ASPSCR1: variants seen among roughly 807,000 people sequenced by gnomAD.
ASPSCR1 encodes tether containing UBX domain for GLUT4.
Under a neutral mutation model 68.9 loss-of-function variants are expected in ASPSCR1, and 55 were observed. That is an observed-to-expected ratio of 0.80 (90% CI 0.64 to 1.00). The LOEUF is 1.00. ASPSCR1 is among the 50% of genes least tolerant of loss of function. ASPSCR1 has a pLI of 0.00. For missense variants in ASPSCR1, 765 were observed against 762.2 expected (o/e 1.00, Z -0.04); for synonymous variants, 352 against 332.6 (o/e 1.06, Z -0.63).
chr17:82,009,820 G>A (rs2042858319), intron 9 of ASPSCR1: 1 of 401,322 alleles, frequency 2.5e-6, no homozygotes, highest in South Asian at 2.6e-5. Flanking sequence ...ACGTGGGGGC[G>A]ACTGAGGCAC....
chr17:81,991,395 C>G (rs772817804), intron 4 of ASPSCR1, among the ~76,000 whole-genome samples: 2 of 152,182 alleles, frequency 1.3e-5, no homozygotes, highest in Non-Finnish European at 2.9e-5. Context: ...TCCGGGAAAG[C>G]TGGGTGATTT....
At chr17:82,015,912 C>G (rs918948175) in intron 12 of ASPSCR1, 3 of 168,314 alleles carry the variant, frequency 1.8e-5, no homozygotes, top group African/African-American at 7.2e-5. Context: ...ATTCACGGCC[C>G]TTGTTTGTGT....
In ASPSCR1 at chr17:81,999,711, C is replaced by T. The variant is rs188498407; in HGVS notation, c.933+2865C>T. ...CGGCCTCGGCTGTCCCCTGGGCACTCGTGCTACGTGTCCCGGAACTCAGGT... is the reference window on the plus strand; with the variant it reads ...CGGCCTCGGCTGTCCCCTGGGCACTTGTGCTACGTGTCCCGGAACTCAGGT... On this transcript the variant is annotated intron_variant, in intron 7 of 15. Coordinates refer to ENST00000306739, the MANE Select transcript of ASPSCR1 (RefSeq NM_024083.4). The surrounding 1 kb of genome is among the most constrained non-coding windows in gnomAD (Gnocchi z 4.4). Among the ~76,000 whole-genome samples the T allele has an allele frequency of 1.0e-3, 152 of 152,188 alleles. No homozygotes were observed. The highest frequency in any genetic ancestry group is 1.2e-3 in the Non-Finnish European group (80 of 67,996).
rs1230704258 is a variant in ASPSCR1, at chr17:82,016,851, C to T, written c.1457C>T (p.Ala486Val). The change falls in exon 14 of 16, where the codon GCC becomes GTC. Residue 486 changes from alanine to valine, a missense_variant. Ala to Val is a moderately conservative substitution (Grantham distance 64). Coordinates refer to ENST00000306739, the MANE Select transcript of ASPSCR1 (RefSeq NM_024083.4). ...GAGCATGCCATCTCCCCATCTGCGG[C>T]CGATGTGCTGGTGGCCAGGTAAGTG... ...LLEHAISPSA[A>V]DVLVARYMSR... 1.2e-6 allele frequency: 2 copies of T among 1,612,158 alleles called. No individual in the cohort carries two copies. The highest frequency in any genetic ancestry group is 1.3e-5 in the African/African-American group (1 of 74,912).
chr17:82,015,196 G>T (rs2043080432), intron 12 of ASPSCR1: 2 of 1,598,176 alleles, frequency 1.3e-6, no homozygotes, highest in Non-Finnish European at 1.7e-6. Context: ...GACTCTGGGA[G>T]GCTTCTTTTT....
Position 82,016,821 on chromosome 17 carries a change from T to C in ASPSCR1, c.1427T>C (p.Leu476Pro). The C allele has an allele frequency of 6.2e-7, 1 of 1,611,132 alleles. No individual in the cohort carries two copies. The highest frequency in any genetic ancestry group is 1.7e-5 in the Admixed American group (1 of 60,012). Residue 476 changes from leucine (L) to proline (P), a missense_variant, in exon 14 of 16, where the codon CTG (leucine) becomes CCG (proline). Coordinates refer to ENST00000306739, the MANE Select transcript of ASPSCR1 (RefSeq NM_024083.4). ...EPAGVYLEPGLLEHAISPSAA... is the reference protein window; with the variant it reads ...EPAGVYLEPGPLEHAISPSAA... Reference sequence around the variant, plus strand: ...GCAGGTGTCTACCTGGAGCCTGGCCTGCTGGAGCATGCCATCTCCCCATCT... The same window carrying C: ...GCAGGTGTCTACCTGGAGCCTGGCCCGCTGGAGCATGCCATCTCCCCATCT...
At chr17:81,985,895 T>C (rs1374710536) in intron 4 of ASPSCR1, among the ~76,000 whole-genome samples, 2 of 152,022 alleles carry the variant, frequency 1.3e-5, no homozygotes, top group African/African-American at 4.8e-5. Flanking sequence ...GGGGGCCTGG[T>C]GAGCACTAAG....
intron 7 of ASPSCR1, among the ~76,000 whole-genome samples, chr17:81,997,669 T>C (rs1365621624): frequency 6.6e-6 from 1 of 151,040 alleles, no homozygotes; most frequent in African/African-American, 2.4e-5. Context: ...TTTTGTATTT[T>C]TAGTAGAGAC....
At chr17:82,010,312 G>A (rs1047156522) in intron 9 of ASPSCR1, among the ~76,000 whole-genome samples, 15 of 151,150 alleles carry the variant, frequency 9.9e-5, no homozygotes, top group Admixed American at 7.2e-4. Flanking sequence ...GGCGGATCAT[G>A]AGGTCAGGAG....
At chr17:81,996,390 G>A (rs1296246068) in intron 6 of ASPSCR1, 30 bp from the exon 7 acceptor site, 5 of 1,551,770 alleles carry the variant, frequency 3.2e-6, no homozygotes, top group Non-Finnish European at 4.4e-6. Context: ...GCACCACAAG[G>A]TGCTTCCCTT....
intron 12 of ASPSCR1, chr17:82,014,361 G>A (rs930224295): frequency 6.6e-6 from 1 of 152,598 alleles, no homozygotes; most frequent in Non-Finnish European, 1.5e-5. Context: ...GTTGACAAAT[G>A]GTCTTGCAGA....
At position 81,987,570 on chromosome 17, in the gene ASPSCR1, T is replaced by G. The variant is rs2042037444; in HGVS notation, c.374+1963T>G. On this transcript the variant is annotated intron_variant, in intron 4 of 15. Transcript: ENST00000306739. This position sits in a 1 kb window ranked among gnomAD's most constrained non-coding sequence, Gnocchi z 5.6. The stretch of plus-strand genomic sequence containing the variant: ...ATGGAGGTAAGGAAATGGCCCAGAG[T>G]GGCCTGGGGCTGCCACTGGGGAGGG... Among the ~76,000 whole-genome samples, 1 of 151,992 alleles carries G rather than the reference T, an allele frequency of 6.6e-6. No homozygotes were observed. Among genetic ancestry groups the G allele is most frequent in the South Asian group, 2.1e-4 (1 of 4,826 alleles).
chr17:82,005,148 G>A (rs972738749), intron 7 of ASPSCR1: 1 of 152,488 alleles, frequency 6.6e-6, no homozygotes, highest in Non-Finnish European at 1.5e-5. Flanking sequence ...GGAGGCCTGG[G>A]GGTGCCGAGT....
intron 2 of ASPSCR1, among the ~76,000 whole-genome samples, chr17:81,981,968 A>G (rs1016096325): frequency 2.9e-5 from 4 of 140,260 alleles, no homozygotes; most frequent in African/African-American, 5.4e-5. Flanking sequence ...ACCTGGCCTC[A>G]TTTTTCTTTC....
intron 3 of ASPSCR1, 82 bp from the exon 4 acceptor site, chr17:81,985,425 G>C: frequency 2.8e-6 from 4 of 1,453,070 alleles, no homozygotes; most frequent in South Asian, 1.2e-5. Context: ...CACCCTCTCT[G>C]TGTCTGGAGA....
At chr17:82,001,074 G>T (rs537897694) in intron 7 of ASPSCR1, among the ~76,000 whole-genome samples, 1 of 152,220 alleles carries the variant, frequency 6.6e-6, no homozygotes, top group Admixed American at 6.5e-5. Flanking sequence ...GCTCACACCC[G>T]GCCCTCTGTG....
At chr17:82,013,366 G>A (rs1020249898) in intron 12 of ASPSCR1, 1 of 152,274 alleles carries the variant, frequency 6.6e-6, no homozygotes, top group Non-Finnish European at 1.5e-5. Context: ...AGAGCACTGG[G>A]GTGCTGCTGC....
Position 81,985,520 on chromosome 17 carries a change from T to G in ASPSCR1, c.287T>G (p.Leu96Trp). The G allele has an allele frequency of 6.2e-7, 1 of 1,614,068 alleles. No individual in the cohort carries two copies. Among genetic ancestry groups the G allele is most frequent in the South Asian group, 1.1e-5 (1 of 91,088 alleles). ...TATACCCTCCAGGTTCGCATCGCTT[T>G]GCAGCTGGACGATGGCTCGAGGTTG... Reference protein sequence around the residue: ...EGPENMVRIALQLDDGSRLQD... With the variant: ...EGPENMVRIAWQLDDGSRLQD... Residue 96 changes from leucine (L) to tryptophan (W), a missense_variant, in exon 4 of 16, where the codon TTG becomes TGG. Physicochemically the swap from Leu to Trp is moderately conservative, Grantham distance 61. Transcript: ENST00000306739.
intron 12 of ASPSCR1, chr17:82,015,126 C>T (rs376104812): frequency 3.3e-5 from 52 of 1,598,134 alleles, no homozygotes; most frequent in Non-Finnish European, 3.9e-5. Flanking sequence ...CTCGCTGAAA[C>T]GGTGCCTGGG....
Sources: gnomAD v4.1 joint callset for allele counts (sites outside exome capture counted in the v4.1 genomes callset) on GRCh38, gnomAD v4.1.1 for gene constraint, Gnocchi (gnomAD v3.1) non-coding constraint, MANE v1.5 for transcripts, NCBI Gene and HGNC (gene_info 2026-07-23, HGNC 2026-07-21) for gene names.